The following DLGAP1 variants were observed in gnomAD, a reference collection of about 807,000 sequenced individuals.
The protein encoded by DLGAP1 is DLG associated protein 1.
A neutral mutation model predicts 90.8 loss-of-function variants in DLGAP1; 11 were observed. The observed-to-expected ratio is 0.12, with a 90% CI of 0.08 to 0.20. The LOEUF is 0.20. Ranked by LOEUF, DLGAP1 falls within the 10% of genes least tolerant of loss-of-function variation. The probability of loss-of-function intolerance (pLI) is 1.00; values close to 1 mark genes in which losing one functional copy is unlikely to be tolerated. For missense variants in DLGAP1, 1,050 were observed against 1,333.8 expected, an observed-to-expected ratio of 0.79 and a Z score of 3.31; for synonymous variants, 558 against 540.7, an observed-to-expected ratio of 1.03 and a Z score of -0.44.
intron 2 of DLGAP1, among the ~76,000 whole-genome samples, chr18:4,056,617 T>TA (rs1279745100): frequency 6.6e-6 from 1 of 152,148 alleles, no homozygotes; most frequent in Non-Finnish European, 1.5e-5. Context: ...CAAGGACTGT[T>TA]ACTTCATCAC....
chr18:3,913,036 G>A (rs1173817710), intron 3 of DLGAP1, among the ~76,000 whole-genome samples: 1 of 152,194 alleles, frequency 6.6e-6, no homozygotes, highest in African/African-American at 2.4e-5. Flanking sequence ...GATGATCTCA[G>A]GTTTGTACCA....
intron 9 of DLGAP1, among the ~76,000 whole-genome samples, chr18:3,566,856 C>T (rs1319337355): frequency 6.6e-6 from 1 of 152,100 alleles, no homozygotes; most frequent in Admixed American, 6.5e-5. Flanking sequence ...CCAAGAAACT[C>T]CCAGTTTGAG....
intron 1 of DLGAP1, among the ~76,000 whole-genome samples, chr18:4,441,264 G>A (rs1206379792): frequency 1.3e-5 from 2 of 152,244 alleles, no homozygotes. Context: ...GTGACAGATC[G>A]TTTCTTGGAA....
intron 7 of DLGAP1, among the ~76,000 whole-genome samples, chr18:3,652,716 C>T (rs2059357566): frequency 6.6e-6 from 1 of 152,146 alleles, no homozygotes; most frequent in South Asian, 2.1e-4. Context: ...CCAAAGAAGA[C>T]AACCTTCATT....
intron 7 of DLGAP1, among the ~76,000 whole-genome samples, chr18:3,671,048 G>A (rs2060071108): frequency 6.6e-6 from 1 of 152,070 alleles, no homozygotes; most frequent in Admixed American, 6.6e-5. Flanking sequence ...TTTTGTCTTG[G>A]ATCACTCCCA....
At chr18:4,393,508 C>T (rs1242523827) in intron 1 of DLGAP1, among the ~76,000 whole-genome samples, 1 of 152,224 alleles carries the variant, frequency 6.6e-6, no homozygotes, top group Non-Finnish European at 1.5e-5. Context: ...CTTCAAGAGG[C>T]ATTCCTTGAC....
rs529923846 is a variant in DLGAP1, at chr18:3,997,668, A to T, written c.-73+7448T>A. ...AATATGAGCCACAAATATAATTTAA[A>T]ATTTTAAAATACACATTTAAAAAAA... On this transcript the variant is annotated intron_variant, in intron 3 of 12. Transcript: ENST00000315677. Among the ~76,000 whole-genome samples, 52 of 152,228 alleles carry T rather than the reference A, an allele frequency of 3.4e-4. No homozygotes were observed. In the South Asian group the frequency reaches 3.9e-3, roughly 12 times the overall value.
At chr18:4,367,168 C>G (rs1372242668) in intron 1 of DLGAP1, among the ~76,000 whole-genome samples, 1 of 148,722 alleles carries the variant, frequency 6.7e-6, no homozygotes, top group Non-Finnish European at 1.5e-5. Context: ...ATTTTAAACA[C>G]TAATTACATC....
chr18:3,904,813 C>T (rs1041664973), intron 3 of DLGAP1, among the ~76,000 whole-genome samples: 11 of 152,052 alleles, frequency 7.2e-5, no homozygotes, highest in Admixed American at 4.6e-4. Context: ...AAGATCACTC[C>T]GTCTTTCAAG....
At chr18:4,333,082 GT>G (rs1369007918) in intron 1 of DLGAP1, among the ~76,000 whole-genome samples, 1 of 151,914 alleles carries the variant, frequency 6.6e-6, no homozygotes, top group Non-Finnish European at 1.5e-5. Flanking sequence ...AACCATTGAT[GT>G]TTAATAAATG....
intron 1 of DLGAP1, among the ~76,000 whole-genome samples, chr18:4,318,855 C>T (rs2080600167): frequency 1.3e-5 from 2 of 152,096 alleles, no homozygotes; most frequent in Admixed American, 6.5e-5. Context: ...CTGGTTAAGA[C>T]AATGTAGATG....
chr18:3,908,253 G>A (rs940741138), intron 3 of DLGAP1, among the ~76,000 whole-genome samples: 4 of 151,946 alleles, frequency 2.6e-5, no homozygotes, highest in African/African-American at 9.7e-5. Flanking sequence ...TGGGGGAGAG[G>A]GATATATGCA....
chr18:3,913,663 A>C (rs2072082249), intron 3 of DLGAP1, among the ~76,000 whole-genome samples: 1 of 152,206 alleles, frequency 6.6e-6, no homozygotes, highest in Non-Finnish European at 1.5e-5. Flanking sequence ...CGGAAGCAAA[A>C]TATCTGATAG....
chr18:4,302,760 T>C (rs1266862135), intron 1 of DLGAP1, among the ~76,000 whole-genome samples: 1 of 152,194 alleles, frequency 6.6e-6, no homozygotes, highest in Non-Finnish European at 1.5e-5. Context: ...AAAAATGACA[T>C]TGAAATTTTA....
At chr18:4,017,514 C>A (rs1450734528) in intron 2 of DLGAP1, among the ~76,000 whole-genome samples, 1 of 152,130 alleles carries the variant, frequency 6.6e-6, no homozygotes, top group African/African-American at 2.4e-5. Flanking sequence ...ACTCATTTTC[C>A]TCAAGCACAT....
At chr18:3,530,534 C>T (rs764458764) in intron 10 of DLGAP1, among the ~76,000 whole-genome samples, 1 of 152,170 alleles carries the variant, frequency 6.6e-6, no homozygotes, top group Non-Finnish European at 1.5e-5. Context: ...TGCCATTGAG[C>T]AGTGGCACGG....
chr18:3,911,388 C>G (rs551224089), intron 3 of DLGAP1, among the ~76,000 whole-genome samples: 2 of 152,250 alleles, frequency 1.3e-5, no homozygotes, highest in South Asian at 2.1e-4. Flanking sequence ...GCAAATAAAT[C>G]AAGATTGGAT....
intron 4 of DLGAP1, among the ~76,000 whole-genome samples, chr18:3,826,655 G>C (rs1436746460): frequency 6.6e-6 from 1 of 152,200 alleles, no homozygotes; most frequent in Non-Finnish European, 1.5e-5. Flanking sequence ...TTTGGGGAGT[G>C]TGGGGGTCCA....
intron 7 of DLGAP1, among the ~76,000 whole-genome samples, chr18:3,641,580 T>TAC (rs1443170027): frequency 1.6e-5 from 2 of 127,272 alleles, no homozygotes; most frequent in African/African-American, 7.7e-5. Flanking sequence ...TGTACACATA[T>TAC]ATATATACAC....
Sources: gnomAD v4.1 joint callset for allele counts (sites outside exome capture counted in the v4.1 genomes callset) on GRCh38, gnomAD v4.1.1 for gene constraint, MANE v1.5 for transcripts, NCBI Gene and HGNC (gene_info 2026-07-23, HGNC 2026-07-21) for gene names.